The following SLC16A9 variants were observed in gnomAD, a reference collection of about 807,000 sequenced individuals.
SLC16A9 encodes the protein solute carrier family 16 member 9.
SLC16A9 carries 26 observed loss-of-function variants against 44.3 expected under a neutral mutation model. The ratio of observed to expected loss-of-function variants is 0.59; its 90% CI spans 0.43 to 0.81. The LOEUF is 0.81. SLC16A9 is among the 40% of genes least tolerant of loss of function. The pLI is 0.00. For missense variants in SLC16A9, 559 were observed against 595.8 expected (o/e 0.94, Z 0.64); for synonymous variants, 230 against 225.1 (o/e 1.02, Z -0.19).
In SLC16A9 at chr10:59,681,696, A is replaced by G. The variant is rs28701781; in HGVS notation, c.196+2400T>C. On this transcript the variant is annotated intron_variant, in intron 2 of 5. Transcript: ENST00000395348. ...TGTATATGTATATGTATATGTATAT[A>G]TATATGTATATGTATATGTATATGA... Among the ~76,000 whole-genome samples, 161 of 37,206 alleles carry G rather than the reference A, an allele frequency of 4.3e-3. 69 individuals are homozygous for G. The highest frequency in any genetic ancestry group is 9.4e-3 in the African/African-American group (60 of 6,380). 24.4% of individuals were successfully genotyped at this position (37,206 alleles called of 152,430 possible).
At chr10:59,699,988 A>T (rs751435382) in intron 1 of SLC16A9, among the ~76,000 whole-genome samples, 3 of 152,022 alleles carry the variant, frequency 2.0e-5, no homozygotes, top group Non-Finnish European at 2.9e-5. Context: ...ATAACAGGAT[A>T]TGGTAATGGC....
chr10:59,653,731 T>C lies in SLC16A9; in HGVS notation c.1295A>G (p.Tyr432Cys). ...TCCAGCAAAGAACATTAATATCCCA[T>C]AGGCATGGGCTAATTTTTCAATTCC... ...TVGIEKLAHAYGILMFFAGLG... is the reference protein window; with the variant it reads ...TVGIEKLAHACGILMFFAGLG... Residue 432 changes from tyrosine (Y) to cysteine (C), a missense_variant, in exon 5 of 6, where the codon TAT (tyrosine) becomes TGT (cysteine). Tyr to Cys is a radical substitution (Grantham distance 194, BLOSUM62 -2). Transcript: ENST00000395348. The C allele has an allele frequency of 8.1e-6, 13 of 1,614,110 alleles. No individual in the cohort carries two copies. The highest frequency in any genetic ancestry group is 2.2e-5 in the South Asian group (2 of 91,082).
chr10:59,657,407 C>T (rs58995279), intron 4 of SLC16A9, among the ~76,000 whole-genome samples: 22 of 152,140 alleles, frequency 1.4e-4, no homozygotes, highest in East Asian at 7.7e-4. Context: ...TGTTTTGATG[C>T]GGGGTTTCTT....
chr10:59,697,186 G>A (rs1350440867), intron 1 of SLC16A9, among the ~76,000 whole-genome samples: 5 of 149,752 alleles, frequency 3.3e-5, no homozygotes, highest in Non-Finnish European at 1.5e-5. Flanking sequence ...CCCCTACTGG[G>A]AAGTGAGGAG....
chr10:59,660,927 G>GA (rs1232600573), intron 4 of SLC16A9, among the ~76,000 whole-genome samples: 1 of 152,184 alleles, frequency 6.6e-6, no homozygotes, highest in East Asian at 1.9e-4. Flanking sequence ...AGTAGATGCA[G>GA]AAAAGGCCTT....
chr10:59,686,338 C>G (rs1176201920), intron 1 of SLC16A9, among the ~76,000 whole-genome samples: 2 of 152,130 alleles, frequency 1.3e-5, no homozygotes, highest in Non-Finnish European at 2.9e-5. Flanking sequence ...TCAGAATCAG[C>G]CTGTCTGGTT....
intron 2 of SLC16A9, among the ~76,000 whole-genome samples, chr10:59,680,966 G>C (rs964717950): frequency 2.1e-4 from 30 of 143,864 alleles, no homozygotes; most frequent in Non-Finnish European, 4.0e-4. Flanking sequence ...ATGGGTGACA[G>C]AGCAAGACCC....
chr10:59,700,068 T>C (rs754714108), intron 1 of SLC16A9, among the ~76,000 whole-genome samples: 2 of 152,104 alleles, frequency 1.3e-5, no homozygotes, highest in Non-Finnish European at 2.9e-5. Context: ...AAAGTCTCAG[T>C]GAGGAAAGAC....
At chr10:59,653,425 C>CAAAAAAAAAAAAAA (rs562805430) in intron 5 of SLC16A9, among the ~76,000 whole-genome samples, 458 of 36,694 alleles carry the variant, frequency 0.012, 73 homozygotes, top group African/African-American at 0.025. Flanking sequence ...AACTCCGTCT[C>CAAAAAAAAAAAAAA]AAAAAAAAAA....
chr10:59,661,766 A>AACAAAAACTGCATG (rs200819871), intron 4 of SLC16A9, among the ~76,000 whole-genome samples: 1 of 150,344 alleles, frequency 6.7e-6, no homozygotes, highest in Admixed American at 6.6e-5. Context: ...AGGCTACAGT[A>AACAAAAACTGCATG]GTACTGGTAC....
chr10:59,654,440 A>T lies in SLC16A9; in HGVS notation c.586T>A (p.Cys196Ser). ...SLMRPLQSSDCPLPKKIAPED... is the reference protein window; with the variant it reads ...SLMRPLQSSDSPLPKKIAPED... ...GGAGCTATTTTTTTAGGCAAAGGAC[A>T]ATCAGAAGATTGGAGGGGTCTCATC... is the stretch of plus-strand genomic sequence containing the variant. The change falls in exon 5 of 6, where the codon TGT (cysteine) becomes AGT (serine). Residue 196 changes from cysteine to serine, a missense_variant. By Grantham distance (112) the Cys-to-Ser change is moderately radical (BLOSUM62 -1). Transcript: ENST00000395348. 1 of 1,613,574 alleles carries T rather than the reference A, an allele frequency of 6.2e-7. No homozygotes were observed. Among genetic ancestry groups the T allele is most frequent in the Non-Finnish European group, 8.5e-7 (1 of 1,180,034 alleles).
At chr10:59,666,889 A>C (rs796424241) in intron 3 of SLC16A9, among the ~76,000 whole-genome samples, 80 of 143,916 alleles carry the variant, frequency 5.6e-4, no homozygotes, top group African/African-American at 1.7e-3. Context: ...AAAAAAAAAA[A>C]CACACAGAAT....
rs1295830825 is a variant in SLC16A9 at position 59,651,455 on chromosome 10, A to G, written c.*1317T>C. The stretch of plus-strand genomic sequence containing the variant: ...CCAATCTTATAAAAATTCTCAATCC[A>G]GGCTGTGTTATCAGAATCACTTGAA... On this transcript the variant is annotated 3_prime_UTR_variant, in exon 6 of 6. Transcript: ENST00000395348. The G allele has an allele frequency of 6.6e-6, 1 of 152,194 alleles. No individual in the cohort carries two copies. Among genetic ancestry groups the G allele is most frequent in the African/African-American group, 2.4e-5 (1 of 41,446 alleles). The allele number at this position is 152,194 out of a possible 1,614,324, so 9.4% of individuals were successfully genotyped here.
rs895842595 is a variant in SLC16A9, at chr10:59,650,925, A to T, written c.*1847T>A. 2 of 152,148 alleles carry T rather than the reference A, an allele frequency of 1.3e-5. No individual in the cohort carries two copies. The allele number at this position is 152,148 out of a possible 1,614,324, so 9.4% of individuals were successfully genotyped here. On this transcript the variant is annotated 3_prime_UTR_variant, in exon 6 of 6. Transcript: ENST00000395348. ...TGTCACATCAAAGTCAAACTTTTTC[A>T]GGTTATTGGGTTTCCTGAACATAAC...
intron 5 of SLC16A9, 138 bp from the exon 6 acceptor site, chr10:59,653,088 G>T: frequency 3.4e-6 from 2 of 588,844 alleles, no homozygotes; most frequent in Non-Finnish European, 5.4e-6. Flanking sequence ...GGTTTACTGG[G>T]AGTTAGAAGA....
intron 4 of SLC16A9, among the ~76,000 whole-genome samples, chr10:59,655,360 T>C (rs1179109548): frequency 1.3e-5 from 2 of 152,184 alleles, no homozygotes; most frequent in African/African-American, 4.8e-5. Context: ...TTTGCACTTA[T>C]TATGTGCCAG....
intron 1 of SLC16A9, among the ~76,000 whole-genome samples, chr10:59,697,236 C>T (rs924645130): frequency 3.0e-4 from 45 of 151,730 alleles, no homozygotes; most frequent in Admixed American, 7.9e-4. Context: ...GAGGTGTACT[C>T]AACAGCTCAT....
chr10:59,692,061 T>C (rs1008633217), intron 1 of SLC16A9, among the ~76,000 whole-genome samples: 3 of 152,218 alleles, frequency 2.0e-5, no homozygotes, highest in African/African-American at 7.2e-5. Context: ...GATTCATAGA[T>C]AGACTTTTCA....
intron 1 of SLC16A9, among the ~76,000 whole-genome samples, chr10:59,694,592 G>A (rs1167919567): frequency 6.6e-6 from 1 of 151,336 alleles, no homozygotes; most frequent in Non-Finnish European, 1.5e-5. Flanking sequence ...CTTGAGGCCA[G>A]GAGTTTAAGA....
Sources: allele counts gnomAD v4.1 joint callset (sites outside exome capture counted in the v4.1 genomes callset), GRCh38; gene constraint gnomAD v4.1.1; transcripts MANE v1.5; gene names NCBI Gene and HGNC (gene_info 2026-07-23, HGNC 2026-07-21).